Variants in FMNL2 observed in about 807,000 individuals in gnomAD.
FMNL2 encodes formin-like protein 2.
In FMNL2, 51 loss-of-function variants were observed where a neutral mutation model predicts 130.2. The ratio of observed to expected loss-of-function variants is 0.39; its 90% CI spans 0.31 to 0.49. The LOEUF (loss-of-function observed/expected upper bound fraction) is 0.49, where lower values mean the gene tolerates loss of function less well. Among genes scored for constraint, FMNL2 ranks in the 20% least tolerant of loss-of-function variants. The pLI, the probability that FMNL2 is intolerant of heterozygous loss-of-function variation, is 0.85. For missense variants in FMNL2, 977 were observed against 1,316.2 expected (o/e 0.74, Z 3.99); for synonymous variants, 465 against 467.1 (o/e 1.00, Z 0.06).
chr2:152,512,110 A>T (rs1374663276), intron 1 of FMNL2, among the ~76,000 whole-genome samples: 1 of 152,148 alleles, frequency 6.6e-6, no homozygotes, highest in African/African-American at 2.4e-5. Context: ...TAGCATCTCA[A>T]GTGTGGCCTC....
At chr2:152,355,803 G>A (rs867648240) in intron 1 of FMNL2, among the ~76,000 whole-genome samples, 5 of 152,182 alleles carry the variant, frequency 3.3e-5, no homozygotes, top group African/African-American at 4.8e-5. Flanking sequence ...TCTGTAGCAC[G>A]TGTATTTCAC....
chr2:152,615,335 G>T (rs1038759904), intron 12 of FMNL2, among the ~76,000 whole-genome samples: 1 of 152,074 alleles, frequency 6.6e-6, no homozygotes, highest in African/African-American at 2.4e-5. Flanking sequence ...TTAAATATGA[G>T]AATTTGGCCT....
chr2:152,357,062 C>CGTAAGTTTAATGTATCACG (rs749672375), intron 1 of FMNL2, among the ~76,000 whole-genome samples: 2,937 of 139,056 alleles, frequency 0.021, 735 homozygotes, highest in Non-Finnish European at 0.03. Context: ...ATAAATATTA[C>CGTAAGTTTAATGTATCACG]ATAAGTTTAA....
chr2:152,489,362 G>T (rs987303323), intron 1 of FMNL2, among the ~76,000 whole-genome samples: 1 of 152,214 alleles, frequency 6.6e-6, no homozygotes, highest in South Asian at 2.1e-4. Context: ...CATTCCCTCT[G>T]TGTGCCACTT....
intron 1 of FMNL2, among the ~76,000 whole-genome samples, chr2:152,397,403 G>A (rs1208615326): frequency 1.3e-5 from 2 of 152,016 alleles, no homozygotes. Flanking sequence ...AAAAAAATGA[G>A]GTTTTTGGAT....
intron 1 of FMNL2, among the ~76,000 whole-genome samples, chr2:152,419,804 G>A (rs1195184608): frequency 1.3e-5 from 2 of 151,978 alleles, no homozygotes; most frequent in Non-Finnish European, 2.9e-5. Context: ...ACCTGTTTTG[G>A]AACTCTGGGG....
chr2:152,497,814 A>G (rs1691595397), intron 1 of FMNL2, among the ~76,000 whole-genome samples: 1 of 152,196 alleles, frequency 6.6e-6, no homozygotes, highest in East Asian at 1.9e-4. Flanking sequence ...TTTTCTGCTC[A>G]GACTCACCAG....
At chr2:152,521,541 C>T (rs1255138827) in intron 1 of FMNL2, among the ~76,000 whole-genome samples, 2 of 151,806 alleles carry the variant, frequency 1.3e-5, no homozygotes, top group East Asian at 3.9e-4. Flanking sequence ...TTGAATCTAT[C>T]AGTGATTCTG....
At chr2:152,496,823 T>C (rs185171997) in intron 1 of FMNL2, among the ~76,000 whole-genome samples, 1 of 152,324 alleles carries the variant, frequency 6.6e-6, no homozygotes, top group African/African-American at 2.4e-5. Flanking sequence ...TAAATTTGGC[T>C]TGTAATGTTC....
At chr2:152,389,940 A>G in intron 1 of FMNL2, 1 of 1,148,792 alleles carries the variant, frequency 8.7e-7, no homozygotes, top group East Asian at 2.5e-5. Context: ...TGGCCAAGGA[A>G]GCCAAGTCAG....
chr2:152,365,698 G>A (rs1401160903), intron 1 of FMNL2, among the ~76,000 whole-genome samples: 1 of 151,986 alleles, frequency 6.6e-6, no homozygotes, highest in African/African-American at 2.4e-5. Flanking sequence ...GCTTGAACCC[G>A]GGAGGCGGAG....
intron 1 of FMNL2, among the ~76,000 whole-genome samples, chr2:152,338,836 C>CACACACACACACACAT (rs1553862444): frequency 1.8e-3 from 269 of 151,430 alleles, no homozygotes; most frequent in Non-Finnish European, 2.9e-3. Context: ...CACACACACA[C>CACACACACACACACAT]ACACACACAC....
intron 4 of FMNL2, among the ~76,000 whole-genome samples, chr2:152,556,363 T>G (rs1413887566): frequency 6.6e-6 from 1 of 152,146 alleles, no homozygotes; most frequent in East Asian, 1.9e-4. Flanking sequence ...TGAAATTAAA[T>G]CAGGGGTAAA....
At chr2:152,350,387 C>T (rs754972569) in intron 1 of FMNL2, among the ~76,000 whole-genome samples, 38 of 152,276 alleles carry the variant, frequency 2.5e-4, no homozygotes, top group Non-Finnish European at 4.7e-4. Flanking sequence ...GGTAACAGAG[C>T]CATTTCTTAT....
chr2:152,525,545 C>T (rs1483846496), intron 2 of FMNL2, among the ~76,000 whole-genome samples: 4 of 152,192 alleles, frequency 2.6e-5, no homozygotes, highest in Non-Finnish European at 5.9e-5. Context: ...TGTTGCTTTG[C>T]ATAGTAGCCT....
Position 152,600,095 on chromosome 2 carries a change from C to T in FMNL2, c.877-7244C>T, listed in dbSNP as rs75851760. Among the ~76,000 whole-genome samples, 523 of 152,270 alleles carry T rather than the reference C, an allele frequency of 3.4e-3. 1 individual carries two copies. Among genetic ancestry groups the T allele is most frequent in the Admixed American group, 6.7e-3 (102 of 15,294 alleles). On this transcript the variant is annotated intron_variant, in intron 9 of 25. Transcript: ENST00000288670. ...AGTAGATGGTAAAAGATGGTTTTCA[C>T]CTAGGACTAACTATGAAATAACTGT... is the stretch of plus-strand genomic sequence containing the variant.
intron 9 of FMNL2, among the ~76,000 whole-genome samples, chr2:152,594,436 A>G (rs1429055689): frequency 6.6e-6 from 1 of 152,244 alleles, no homozygotes; most frequent in African/African-American, 2.4e-5. Context: ...GACTGCAGAC[A>G]GTATTGTGAC....
At chr2:152,624,056 C>CTCCCCTCCCT (rs1681574975) in intron 15 of FMNL2, among the ~76,000 whole-genome samples, 1 of 2,744 alleles carries the variant, frequency 3.6e-4, no homozygotes, top group Admixed American at 2.9e-3. Flanking sequence ...CTCCCCTCCC[C>CTCCCCTCCCT]TCCCCTCCCC....
At chr2:152,565,585 AT>A (rs534035722) in intron 6 of FMNL2, among the ~76,000 whole-genome samples, 1 of 152,060 alleles carries the variant, frequency 6.6e-6, no homozygotes, top group Non-Finnish European at 1.5e-5. Context: ...TTTCCTTAAA[AT>A]TTTTTTGTCT....
Sources: allele counts gnomAD v4.1 joint callset (sites outside exome capture counted in the v4.1 genomes callset), GRCh38; gene constraint gnomAD v4.1.1; transcripts MANE v1.5; gene names NCBI Gene and HGNC (gene_info 2026-07-23, HGNC 2026-07-21).